The following ASTN2 variants were observed in gnomAD, a reference collection of about 807,000 sequenced individuals.
The protein encoded by ASTN2 is astrotactin 2, also known as astrotactin-2.
A neutral mutation model predicts 139.8 loss-of-function variants in ASTN2; 54 were observed. That is an observed-to-expected ratio of 0.39 (90% CI 0.31 to 0.48). ASTN2 has a LOEUF of 0.48. ASTN2 is among the 20% of genes least tolerant of loss of function. The pLI is 0.95. For missense variants in ASTN2, 1,565 were observed against 1,725.1 expected, an observed-to-expected ratio of 0.91 and a Z score of 1.64; for synonymous variants, 756 against 719.5, an observed-to-expected ratio of 1.05 and a Z score of -0.81.
intron 4 of ASTN2, among the ~76,000 whole-genome samples, chr9:117,114,287 A>G (rs1829324473): frequency 6.6e-6 from 1 of 151,992 alleles, no homozygotes; most frequent in African/African-American, 2.4e-5. Context: ...ATCGAATGAC[A>G]CTCTTATTGT....
chr9:116,878,630 C>T (rs544935089), intron 10 of ASTN2, among the ~76,000 whole-genome samples: 204 of 152,070 alleles, frequency 1.3e-3, no homozygotes, highest in Non-Finnish European at 1.9e-3. Context: ...TTGATAGGTG[C>T]AGCAAAACAC....
At chr9:117,243,625 C>T (rs1257886491) in intron 2 of ASTN2, among the ~76,000 whole-genome samples, 1 of 152,142 alleles carries the variant, frequency 6.6e-6, no homozygotes. Context: ...ACCATCATAA[C>T]GTCACTTGGC....
At chr9:116,726,614 T>C (rs1175276250) in intron 15 of ASTN2, among the ~76,000 whole-genome samples, 1 of 152,198 alleles carries the variant, frequency 6.6e-6, no homozygotes, top group African/African-American at 2.4e-5. Context: ...AGCATTGCTT[T>C]TCTTTATATC....
At chr9:116,909,243 C>T (rs149842788) in intron 10 of ASTN2, among the ~76,000 whole-genome samples, 40 of 152,244 alleles carry the variant, frequency 2.6e-4, no homozygotes, top group Non-Finnish European at 4.4e-4. Flanking sequence ...AGAGATGGGC[C>T]AGTCAAGAGG....
intron 10 of ASTN2, among the ~76,000 whole-genome samples, chr9:116,960,949 C>T (rs1229267978): frequency 6.6e-6 from 1 of 152,080 alleles, no homozygotes; most frequent in Non-Finnish European, 1.5e-5. Flanking sequence ...CCCAGGCTGC[C>T]CCATTTCAAT....
intron 1 of ASTN2, among the ~76,000 whole-genome samples, chr9:117,390,378 G>T (rs1021122715): frequency 6.6e-6 from 1 of 152,056 alleles, no homozygotes; most frequent in African/African-American, 2.4e-5. Context: ...TTTACATTAG[G>T]GTTCAGTCTT....
At chr9:117,112,204 C>T (rs10983529) in intron 4 of ASTN2, among the ~76,000 whole-genome samples, 1 of 151,598 alleles carries the variant, frequency 6.6e-6, no homozygotes, top group South Asian at 2.1e-4. Context: ...ATGCTTTCTC[C>T]CCATAAATTT....
At chr9:116,795,895 G>C (rs969012769) in intron 13 of ASTN2, among the ~76,000 whole-genome samples, 2 of 152,198 alleles carry the variant, frequency 1.3e-5, no homozygotes, top group Non-Finnish European at 2.9e-5. Flanking sequence ...AAGATCTTGA[G>C]ATTACTGAAG....
chr9:116,813,816 C>A (rs934963644), intron 12 of ASTN2, among the ~76,000 whole-genome samples: 8 of 151,984 alleles, frequency 5.3e-5, no homozygotes, highest in African/African-American at 1.7e-4. Context: ...TGGCGGATCA[C>A]CTGAGGTCAG....
intron 5 of ASTN2, among the ~76,000 whole-genome samples, chr9:117,077,941 G>A (rs1304993283): frequency 1.3e-5 from 2 of 152,154 alleles, no homozygotes; most frequent in African/African-American, 4.8e-5. Flanking sequence ...AACTCACTGT[G>A]GAAGCAGACA....
At chr9:117,366,555 C>T (rs1829848833) in intron 1 of ASTN2, among the ~76,000 whole-genome samples, 1 of 152,098 alleles carries the variant, frequency 6.6e-6, no homozygotes, top group Admixed American at 6.6e-5. Flanking sequence ...AATCCCCCCT[C>T]TCTCTAACTC....
chr9:117,264,998 TTC>T (rs555320260), intron 2 of ASTN2, among the ~76,000 whole-genome samples: 9 of 152,216 alleles, frequency 5.9e-5, no homozygotes, highest in Non-Finnish European at 1.0e-4. Context: ...GAAAGCTTTT[TTC>T]TCTGTTTCAA....
At chr9:117,359,865 A>T (rs1829645767) in intron 1 of ASTN2, among the ~76,000 whole-genome samples, 1 of 152,200 alleles carries the variant, frequency 6.6e-6, no homozygotes, top group African/African-American at 2.4e-5. Context: ...AAGTAGGGAA[A>T]GAGAGAAATG....
Position 116,425,539 on chromosome 9 carries a change from T to C in ASTN2, c.*312A>G. 1 of 1,608,612 alleles carries C rather than the reference T, an allele frequency of 6.2e-7. No individual in the cohort carries two copies. The highest frequency in any genetic ancestry group is 1.3e-5 in the African/African-American group (1 of 74,692). On this transcript the variant is annotated 3_prime_UTR_variant, in exon 23 of 23. Coordinates refer to ENST00000313400, the MANE Select transcript of ASTN2 (RefSeq NM_001365068.1). Reference sequence around the variant, plus strand: ...GAAGAAGAGCAAAGGCCGCTTGGTCTCCACCTGAAAACTTCTGCCTCGGGA... The same window carrying C: ...GAAGAAGAGCAAAGGCCGCTTGGTCCCCACCTGAAAACTTCTGCCTCGGGA...
At chr9:117,098,070 G>C (rs1308646884) in intron 4 of ASTN2, among the ~76,000 whole-genome samples, 1 of 152,214 alleles carries the variant, frequency 6.6e-6, no homozygotes, top group Non-Finnish European at 1.5e-5. Flanking sequence ...GGAGAGTTAA[G>C]CTTCGAGGCT....
At chr9:117,266,810 T>A (rs1327546097) in intron 2 of ASTN2, among the ~76,000 whole-genome samples, 1 of 152,232 alleles carries the variant, frequency 6.6e-6, no homozygotes, top group African/African-American at 2.4e-5. Context: ...AGAAACAAGA[T>A]ATTTGTAGAG....
intron 7 of ASTN2, among the ~76,000 whole-genome samples, chr9:116,990,035 T>C (rs973902214): frequency 1.3e-5 from 2 of 152,176 alleles, no homozygotes; most frequent in African/African-American, 4.8e-5. Context: ...CCTTTTCTTT[T>C]AGAATGCTCT....
chr9:116,946,391 G>A (rs1034879301), intron 10 of ASTN2, among the ~76,000 whole-genome samples: 1 of 152,134 alleles, frequency 6.6e-6, no homozygotes, highest in Non-Finnish European at 1.5e-5. Context: ...TGGAACAAGG[G>A]TATGCATGTT....
At chr9:116,944,289 T>C (rs1015181907) in intron 10 of ASTN2, among the ~76,000 whole-genome samples, 7 of 151,964 alleles carry the variant, frequency 4.6e-5, no homozygotes, top group Non-Finnish European at 4.4e-5. Flanking sequence ...AAATCAGAGG[T>C]AGAAATATTT....
Sources: gnomAD v4.1 joint callset for allele counts (sites outside exome capture counted in the v4.1 genomes callset) on GRCh38, gnomAD v4.1.1 for gene constraint, MANE v1.5 for transcripts, NCBI Gene and HGNC (gene_info 2026-07-23, HGNC 2026-07-21) for gene names.